Variants in TMEM150B observed in about 807,000 individuals in gnomAD.
TMEM150B encodes modulator of macroautophagy TMEM150B.
Under a neutral mutation model 25.2 loss-of-function variants are expected in TMEM150B, and 33 were observed. The ratio of observed to expected loss-of-function variants is 1.31; its 90% CI spans 0.99 to 1.75. The LOEUF (loss-of-function observed/expected upper bound fraction) is 1.75. TMEM150B is among the 40% of genes most tolerant of loss of function. TMEM150B has a pLI of 0.00. For synonymous variants in TMEM150B, 133 were observed against 134.8 expected (o/e 0.99, Z 0.09); for missense variants, 322 against 306.1 (o/e 1.05, Z -0.39).
chr19:55,325,098 T>C (rs930286478), intron 1 of TMEM150B, among the ~76,000 whole-genome samples, 174 bp downstream of exon 1: 12 of 152,204 alleles, frequency 7.9e-5, no homozygotes, highest in African/African-American at 2.2e-4. Flanking sequence ...TAAGGAAGAC[T>C]TGTCCCCGCT....
chr19:55,320,478 C>T lies in TMEM150B; in HGVS notation c.129-20G>A, dbSNP rs75629207. 3,732 of 1,601,932 alleles carry T rather than the reference C, an allele frequency of 2.3e-3. 125 individuals carry two copies. In the East Asian group the frequency reaches 0.073, roughly 32 times the overall value. ...CAGATGCTGGGGAAGACAAAGGGGTCATCCTGGGCAATCCAAGCTAGGGCC... is the reference window on the plus strand; with the variant it reads ...CAGATGCTGGGGAAGACAAAGGGGTTATCCTGGGCAATCCAAGCTAGGGCC... On this transcript the variant is annotated intron_variant, in intron 4 of 7. Transcript: ENST00000326652.
intron 7 of TMEM150B, among the ~76,000 whole-genome samples, chr19:55,316,269 A>G (rs2088994087): frequency 6.6e-6 from 1 of 152,134 alleles, no homozygotes; most frequent in Non-Finnish European, 1.5e-5. Context: ...TGCGCAAGCC[A>G]CCTGCAGCCT....
intron 6 of TMEM150B, among the ~76,000 whole-genome samples, chr19:55,318,726 G>T (rs773101863): frequency 6.6e-6 from 1 of 152,196 alleles, no homozygotes; most frequent in Non-Finnish European, 1.5e-5. Context: ...ATGAAGTCAT[G>T]TACAAAATGG....
At chr19:55,324,995 T>G in intron 1 of TMEM150B, 1 of 458,172 alleles carries the variant, frequency 2.2e-6, no homozygotes, top group Non-Finnish European at 2.9e-6. Flanking sequence ...ACTGATCTCC[T>G]GCCCTGCCCT....
At position 55,320,167 on chromosome 19, in the gene TMEM150B, C is replaced by T; in HGVS notation, c.197-1G>A. 6.2e-7 allele frequency: 1 copy of T among 1,613,788 alleles called. No individual in the cohort carries two copies. The highest frequency in any genetic ancestry group is 8.5e-7 in the Non-Finnish European group (1 of 1,179,880). On this transcript the variant is annotated splice_acceptor_variant, in intron 5 of 7. Transcript: ENST00000326652. LOFTEE classifies it high-confidence loss of function. Reference sequence around the variant, plus strand: ...TAACGGACAATGCAGATCCACGCGGCTGGGAGTAGAGGGGAGAAGGAAGTG... The same window carrying T: ...TAACGGACAATGCAGATCCACGCGGTTGGGAGTAGAGGGGAGAAGGAAGTG...
At chr19:55,315,866 G>A (rs2088982149) in intron 7 of TMEM150B, among the ~76,000 whole-genome samples, 1 of 151,822 alleles carries the variant, frequency 6.6e-6, no homozygotes, top group Non-Finnish European at 1.5e-5. Context: ...GGAGGCGGAG[G>A]TTGCAGTGAG....
intron 7 of TMEM150B, among the ~76,000 whole-genome samples, chr19:55,314,743 C>T (rs1286160660): frequency 6.6e-6 from 1 of 152,144 alleles, no homozygotes; most frequent in East Asian, 1.9e-4. Flanking sequence ...GGTCTCATAC[C>T]CCAAGTCACT....
chr19:55,312,164 A>AG (rs2088816414), downstream of TMEM150B: 3 of 573,196 alleles, frequency 5.2e-6, no homozygotes, highest in Non-Finnish European at 5.9e-6. Context: ...ACATGTCGGG[A>AG]GGGGGGTGGA....
chr19:55,312,101 TCCACCC>T, downstream of TMEM150B: 1 of 986,582 alleles, frequency 1.0e-6, no homozygotes, highest in Non-Finnish European at 1.4e-6. Flanking sequence ...GGGACCCCCC[TCCACCC>T]CCCTTCCGTG....
chr19:55,323,956 G>A (rs2089272057), intron 1 of TMEM150B, among the ~76,000 whole-genome samples: 2 of 150,428 alleles, frequency 1.3e-5, no homozygotes, highest in African/African-American at 2.4e-5. Flanking sequence ...ACAGGTGCCC[G>A]CCACTATGCC....
At chr19:55,319,205 G>C (rs534120037) in intron 6 of TMEM150B, among the ~76,000 whole-genome samples, 1 of 151,166 alleles carries the variant, frequency 6.6e-6, no homozygotes, top group Non-Finnish European at 1.5e-5. Context: ...TCTGCCTCCC[G>C]GGTTCAAGCA....
chr19:55,313,483 C>T (rs764509113), intron 7 of TMEM150B, among the ~76,000 whole-genome samples: 7 of 152,144 alleles, frequency 4.6e-5, no homozygotes, highest in Non-Finnish European at 5.9e-5. Context: ...ACATCCACCC[C>T]GCTACCCATG....
At position 55,322,662 on chromosome 19, in the gene TMEM150B, T is replaced by C. The variant is rs1348708738; in HGVS notation, c.-72A>G. ...AGGATGCTCACCTCTCCAAGCTTCCTGGGGCTCTCAGTCCTGGAGCTGGGG... is the reference window on the plus strand; with the variant it reads ...AGGATGCTCACCTCTCCAAGCTTCCCGGGGCTCTCAGTCCTGGAGCTGGGG... On this transcript the variant is annotated 5_prime_UTR_variant, in exon 2 of 8. Coordinates refer to ENST00000326652, the MANE Select transcript of TMEM150B (RefSeq NM_001282011.2). 6 of 985,122 alleles carry C rather than the reference T, an allele frequency of 6.1e-6. No individual in the cohort carries two copies. The highest frequency in any genetic ancestry group is 7.2e-6 in the Non-Finnish European group (6 of 829,894). The allele number at this position is 985,122 out of a possible 1,614,324, so 61.0% of individuals were successfully genotyped here.
At chr19:55,321,620 C>T (rs2089209432) in intron 2 of TMEM150B, among the ~76,000 whole-genome samples, 1 of 152,140 alleles carries the variant, frequency 6.6e-6, no homozygotes, top group Non-Finnish European at 1.5e-5. Flanking sequence ...CCCCTAACTT[C>T]CTTCCTCCAG....
At chr19:55,313,158 C>T in intron 7 of TMEM150B, 103 bp from the exon 8 acceptor site, 2 of 1,214,274 alleles carry the variant, frequency 1.6e-6, no homozygotes, top group Non-Finnish European at 2.3e-6. Context: ...TGGGTGTCCC[C>T]ATCCTCAGCT....
In TMEM150B at chr19:55,322,696, G is replaced by A; in HGVS notation, c.-106C>T. On this transcript the variant is annotated 5_prime_UTR_variant, in exon 2 of 8. Coordinates refer to ENST00000326652, the MANE Select transcript of TMEM150B (RefSeq NM_001282011.2). The stretch of plus-strand genomic sequence containing the variant: ...CAGTCCTGGAGCTGGGGCTGGGTGA[G>A]CTCAGGGAAGAAGGGCTGGCATTCG... 1 of 985,448 alleles carries A rather than the reference G, an allele frequency of 1.0e-6. No homozygotes were observed. Among genetic ancestry groups the A allele is most frequent in the Non-Finnish European group, 1.2e-6 (1 of 830,064 alleles). 61.0% of individuals were successfully genotyped at this position (985,448 alleles called of 1,614,324 possible). A position where few individuals can be genotyped will look rare whatever the true frequency, so the allele number is the denominator to read the frequency against.
At chr19:55,309,905 C>T (rs998818443), downstream of TMEM150B, among the ~76,000 whole-genome samples, 2 of 152,186 alleles carry the variant, frequency 1.3e-5, no homozygotes, top group South Asian at 2.1e-4. Flanking sequence ...CGTGGACAGC[C>T]GTCTGCTCTG....
Position 55,316,852 on chromosome 19 carries a change from C to A in TMEM150B, c.439G>T (p.Gly147Trp), listed in dbSNP as rs773129407. The A allele has an allele frequency of 3.1e-6, 5 of 1,592,056 alleles. No individual in the cohort carries two copies. The highest frequency in any genetic ancestry group is 4.3e-6 in the Non-Finnish European group (5 of 1,172,170). ...CGGAGGGGCCCAATCCAGGCAGCCC[C>A]GGGCTGGGGCAGCCTCTTCAGCCTC... ...LWRLKRLPQP[G>W]AAWIGPLRLG... Residue 147 changes from glycine to tryptophan, a missense_variant, in exon 7 of 8, where the codon GGG (glycine) becomes TGG (tryptophan). Gly to Trp is a radical substitution (Grantham distance 184). Transcript: ENST00000326652.
chr19:55,314,386 G>A (rs2088925238), intron 7 of TMEM150B, among the ~76,000 whole-genome samples: 1 of 152,076 alleles, frequency 6.6e-6, no homozygotes, highest in Non-Finnish European at 1.5e-5. Flanking sequence ...CCTAATTTTA[G>A]AGAATCCTCA....
Sources: gnomAD v4.1 joint callset for allele counts (sites outside exome capture counted in the v4.1 genomes callset) on GRCh38, gnomAD v4.1.1 for gene constraint, MANE v1.5 for transcripts, NCBI Gene and HGNC (gene_info 2026-07-23, HGNC 2026-07-21) for gene names.